FRY: variants seen among roughly 807,000 people sequenced by gnomAD.
FRY encodes the protein FRY microtubule binding protein.
A neutral mutation model predicts 348.4 loss-of-function variants in FRY; 128 were observed. That is an observed-to-expected ratio of 0.37 (90% CI 0.32 to 0.43). The LOEUF (loss-of-function observed/expected upper bound fraction) is 0.43, where lower values mean the gene tolerates loss of function less well. FRY is among the 20% of genes least tolerant of loss of function. The pLI, the probability that FRY is intolerant of heterozygous loss-of-function variation, is 1.00. For missense variants in FRY, 2,736 were observed against 3,695.2 expected, an observed-to-expected ratio of 0.74 and a Z score of 6.73; for synonymous variants, 1,370 against 1,374.7, an observed-to-expected ratio of 1.00 and a Z score of 0.08.
In FRY at chr13:32,184,695, G is replaced by C. The variant is rs762166785; in HGVS notation, c.3146+4G>C. 1.3e-6 allele frequency: 2 copies of C among 1,541,822 alleles called. No individual in the cohort carries two copies. The highest frequency in any genetic ancestry group is 1.7e-5 in the Admixed American group (1 of 59,948). ...ATGCTGGTGTAATAAGTGACAGGTA[G>C]GATCAGAATTCTACCGAGTTGCTCT... is the stretch of plus-strand genomic sequence containing the variant. On this transcript the variant is annotated splice_donor_region_variant and intron_variant, in intron 25 of 60. Transcript: ENST00000542859.
In FRY at chr13:32,297,952, G is replaced by A. The variant is rs2072091146; in HGVS notation, c.*2492G>A. The stretch of plus-strand genomic sequence containing the variant: ...CCTGCAGAATAAAGCAATCCAGACA[G>A]GCGCTCTGTAACTTAGACATCACTT... On this transcript the variant is annotated 3_prime_UTR_variant, in exon 61 of 61. Transcript: ENST00000542859. The A allele has an allele frequency of 6.6e-6, 1 of 152,218 alleles. No individual in the cohort carries two copies. The highest frequency in any genetic ancestry group is 2.4e-5 in the African/African-American group (1 of 41,462). 9.4% of individuals were successfully genotyped at this position (152,218 alleles called of 1,614,324 possible). A position where few individuals can be genotyped will look rare whatever the true frequency, so the allele number is the denominator to read the frequency against.
intron 11 of FRY, among the ~76,000 whole-genome samples, chr13:32,145,607 C>G (rs1034666779): frequency 7.1e-6 from 1 of 140,948 alleles, no homozygotes. Flanking sequence ...TGCAGTGGTG[C>G]AATCTCGGCT....
chr13:32,229,439 AAAG>A (rs1885789004), intron 40 of FRY, among the ~76,000 whole-genome samples: 1 of 152,232 alleles, frequency 6.6e-6, no homozygotes. Flanking sequence ...AACAATAAAA[AAAG>A]AGTATTTTCT....
At chr13:32,148,445 T>C (rs1880589217) in intron 13 of FRY, among the ~76,000 whole-genome samples, 1 of 152,236 alleles carries the variant, frequency 6.6e-6, no homozygotes, top group Admixed American at 6.5e-5. Flanking sequence ...TCTAAGTGCT[T>C]TGTGTATATT....
Position 32,261,673 on chromosome 13 carries a change from G to A in FRY, c.7474G>A (p.Asp2492Asn). 2 of 1,614,144 alleles carry A rather than the reference G, an allele frequency of 1.2e-6. No homozygotes were observed. Among genetic ancestry groups the A allele is most frequent in the Non-Finnish European group, 1.7e-6 (2 of 1,180,024 alleles). ...GCGCAGACGTTCTCTGGACAGCCTG[G>A]ATAAGTGTGATATGCAGATTCTGGA... is the stretch of plus-strand genomic sequence containing the variant. Reference protein sequence around the residue: ...GVRRRSLDSLDKCDMQILEER... With the variant: ...GVRRRSLDSLNKCDMQILEER... Residue 2492 changes from aspartate to asparagine, a missense_variant, in exon 52 of 61, where the codon GAT becomes AAT. Asp to Asn is a conservative substitution (Grantham distance 23). This residue lies in a region of FRY where 789 missense variants were observed against 996.2 expected (regional missense o/e 0.79). Coordinates refer to ENST00000542859, the MANE Select transcript of FRY (RefSeq NM_023037.3).
intron 2 of FRY, among the ~76,000 whole-genome samples, chr13:32,082,037 A>G (rs1875531715): frequency 6.6e-6 from 1 of 152,150 alleles, no homozygotes; most frequent in South Asian, 2.1e-4. Flanking sequence ...GTAATTTTCA[A>G]AAACTTGGAA....
chr13:32,124,935 C>A, intron 7 of FRY, 60 bp downstream of exon 7: 1 of 1,257,086 alleles, frequency 8.0e-7, no homozygotes, highest in Non-Finnish European at 1.2e-6. Flanking sequence ...GTCCTTCCAG[C>A]CCTAATTTAG....
At chr13:32,247,185 A>G (rs1042865446) in intron 47 of FRY, 138 bp from the exon 48 acceptor site, 21 of 686,264 alleles carry the variant, frequency 3.1e-5, no homozygotes, top group Non-Finnish European at 5.1e-5. Context: ...TTTGCCTTTT[A>G]CTTCTCATGG....
chr13:32,055,018 G>T (rs1873546731), intron 1 of FRY, among the ~76,000 whole-genome samples: 1 of 152,012 alleles, frequency 6.6e-6, no homozygotes, highest in African/African-American at 2.4e-5. Context: ...CAGCTAGAGA[G>T]CTCTGTTTTA....
intron 22 of FRY, among the ~76,000 whole-genome samples, chr13:32,179,376 A>C (rs938262831): frequency 6.6e-6 from 1 of 152,222 alleles, no homozygotes; most frequent in Non-Finnish European, 1.5e-5. Flanking sequence ...TGCCTTGATT[A>C]AATAAATTAT....
At chr13:32,203,294 G>A (rs745968653) in intron 31 of FRY, among the ~76,000 whole-genome samples, 2 of 152,194 alleles carry the variant, frequency 1.3e-5, no homozygotes, top group Non-Finnish European at 2.9e-5. Flanking sequence ...TGCTACATAT[G>A]TAAGTTGTTG....
intron 56 of FRY, 198 bp downstream of exon 56, chr13:32,275,189 T>C (rs1193343039): frequency 2.6e-5 from 12 of 464,064 alleles, no homozygotes; most frequent in Admixed American, 1.5e-4. Flanking sequence ...CCATCCTGGC[T>C]AACACGGTGA....
At chr13:32,177,843 T>A (rs1373649660) in intron 20 of FRY, among the ~76,000 whole-genome samples, 1 of 152,212 alleles carries the variant, frequency 6.6e-6, no homozygotes, top group African/African-American at 2.4e-5. Context: ...AATCCATGTT[T>A]CAGTTTAAAT....
At chr13:32,058,601 C>T (rs1394674627) in intron 1 of FRY, among the ~76,000 whole-genome samples, 1 of 152,170 alleles carries the variant, frequency 6.6e-6, no homozygotes, top group African/African-American at 2.4e-5. Context: ...ACCTTAGGAT[C>T]CTTCACCTGT....
rs146022587 is a variant in FRY, at chr13:32,121,146, C to G, written c.465-3140C>G. Among the ~76,000 whole-genome samples the G allele has an allele frequency of 4.4e-3, 663 of 152,288 alleles. 5 individuals carry two copies. Among genetic ancestry groups the G allele is most frequent in the African/African-American group, 0.015 (628 of 41,552 alleles). ...CATAGTATTCGATCATATATATATA[C>G]CACAGTTTCTTTATCCACTCATTGA... On this transcript the variant is annotated intron_variant, in intron 4 of 60. Coordinates refer to ENST00000542859, the MANE Select transcript of FRY (RefSeq NM_023037.3).
chr13:32,217,198 C>T (rs1408203353), intron 35 of FRY, among the ~76,000 whole-genome samples: 1 of 152,122 alleles, frequency 6.6e-6, no homozygotes, highest in Non-Finnish European at 1.5e-5. Flanking sequence ...AGGGACACAC[C>T]TATTTTGGCT....
At chr13:32,244,282 C>T (rs1886661646) in intron 47 of FRY, 100 bp downstream of exon 47, 6 of 1,093,548 alleles carry the variant, frequency 5.5e-6, no homozygotes, top group Non-Finnish European at 8.4e-6. Flanking sequence ...CCAGGCCACT[C>T]ATTCATTCCT....
intron 1 of FRY, among the ~76,000 whole-genome samples, chr13:32,041,494 A>G (rs1459151465): frequency 1.3e-5 from 2 of 152,008 alleles, no homozygotes; most frequent in Admixed American, 6.6e-5. Context: ...GGGTTTCACC[A>G]TGTTGGCCAG....
chr13:32,098,442 G>C (rs1482174629), intron 2 of FRY, among the ~76,000 whole-genome samples: 1 of 151,972 alleles, frequency 6.6e-6, no homozygotes, highest in Non-Finnish European at 1.5e-5. Context: ...ATGGTGCTCG[G>C]TGCCTCACTC....
Sources: allele counts gnomAD v4.1 joint callset (sites outside exome capture counted in the v4.1 genomes callset), GRCh38; gene constraint gnomAD v4.1.1; regional missense constraint gnomAD v4.1.1; transcripts MANE v1.5; gene names NCBI Gene and HGNC (gene_info 2026-07-23, HGNC 2026-07-21).